The following RBM33 variants were observed in gnomAD, a reference collection of about 807,000 sequenced individuals.
The protein encoded by RBM33 is RNA binding motif protein 33, also known as RNA-binding protein 33.
A neutral mutation model predicts 132.6 loss-of-function variants in RBM33; 28 were observed. The observed-to-expected ratio is 0.21, with a 90% CI of 0.16 to 0.29. RBM33 has a LOEUF of 0.29. RBM33 is among the 10% of genes least tolerant of loss of function. The probability of loss-of-function intolerance (pLI) is 1.00; values close to 1 mark genes in which losing one functional copy is unlikely to be tolerated. For synonymous variants in RBM33, 634 were observed against 593.0 expected, an observed-to-expected ratio of 1.07 and a Z score of -1.01; for missense variants, 1,291 against 1,518.5, an observed-to-expected ratio of 0.85 and a Z score of 2.49.
At chr7:155,757,968 C>T (rs1345450026) in intron 14 of RBM33, among the ~76,000 whole-genome samples, 3 of 152,152 alleles carry the variant, frequency 2.0e-5, no homozygotes, top group Non-Finnish European at 4.4e-5. Context: ...AGGGGATGGC[C>T]TAAGCCATTC....
At position 155,774,805 on chromosome 7, in the gene RBM33, C is replaced by T. The variant is rs556554673; in HGVS notation, c.3464+158C>T. 1.5e-4 allele frequency among the ~76,000 whole-genome samples: 23 copies of T among 152,290 alleles called. No homozygotes were observed. Among genetic ancestry groups the T allele is most frequent in the African/African-American group, 4.3e-4 (18 of 41,554 alleles). Reference sequence around the variant, plus strand: ...CGCAGACGGTGATCCTGTCATGAGGCGCGCGTCCTTTTGTCTGGTGGAGAA... The same window carrying T: ...CGCAGACGGTGATCCTGTCATGAGGTGCGCGTCCTTTTGTCTGGTGGAGAA... On this transcript the variant is annotated intron_variant, in intron 17 of 17. Transcript: ENST00000401878. The surrounding 1 kb of genome is among the most constrained non-coding windows in gnomAD (Gnocchi z 4.2).
rs1360217655 is a variant in RBM33 at position 155,754,567 on chromosome 7, T to G, written c.2979+8965T>G. Among the ~76,000 whole-genome samples, 5 of 152,304 alleles carry G rather than the reference T, an allele frequency of 3.3e-5. No homozygotes were observed. The South Asian group carries it at 1.0e-3, about 32-fold the overall frequency. On this transcript the variant is annotated intron_variant, in intron 14 of 17. Transcript: ENST00000401878. Reference sequence around the variant, plus strand: ...ATCCTTTACTTTTTAGACTGGTAGATTTGTGCTGTCGAAATTGGAGAATCC... The same window carrying G: ...ATCCTTTACTTTTTAGACTGGTAGAGTTGTGCTGTCGAAATTGGAGAATCC...
At chr7:155,709,092 A>T (rs534617103) in intron 7 of RBM33, among the ~76,000 whole-genome samples, 2 of 151,426 alleles carry the variant, frequency 1.3e-5, no homozygotes, top group Non-Finnish European at 2.9e-5. Flanking sequence ...GAGATTTTGG[A>T]TGTACTCTCT....
intron 14 of RBM33, among the ~76,000 whole-genome samples, chr7:155,755,083 T>G (rs1801806791): frequency 1.3e-5 from 2 of 152,240 alleles, no homozygotes; most frequent in African/African-American, 4.8e-5. Flanking sequence ...ATTTAGAAAC[T>G]TCGTACAGCA....
chr7:155,651,384 A>G (rs1776014254), intron 1 of RBM33, among the ~76,000 whole-genome samples: 1 of 151,974 alleles, frequency 6.6e-6, no homozygotes, highest in Admixed American at 6.6e-5. Context: ...GGACATTCTG[A>G]TTCCTAATCA....
chr7:155,725,139 T>C (rs1218591445), intron 9 of RBM33, among the ~76,000 whole-genome samples: 3 of 151,760 alleles, frequency 2.0e-5, no homozygotes, highest in Admixed American at 2.0e-4. Context: ...TGTATGCTTT[T>C]CAGTTGACGT....
At chr7:155,669,694 C>T (rs931560952) in intron 2 of RBM33, among the ~76,000 whole-genome samples, 1 of 152,170 alleles carries the variant, frequency 6.6e-6, no homozygotes, top group African/African-American at 2.4e-5. Context: ...GGTCTATTTA[C>T]AGGCCAGGGT....
chr7:155,700,124 T>C (rs1408594527), intron 5 of RBM33, among the ~76,000 whole-genome samples: 1 of 152,156 alleles, frequency 6.6e-6, no homozygotes, highest in African/African-American at 2.4e-5. Context: ...ATAATAAAAT[T>C]TCAGATAAAA....
chr7:155,690,054 G>A (rs1427349895), intron 5 of RBM33, among the ~76,000 whole-genome samples: 10 of 152,194 alleles, frequency 6.6e-5, no homozygotes, highest in East Asian at 3.9e-4. Context: ...TGATCTGTCT[G>A]ATGTTGACAG....
intron 1 of RBM33, among the ~76,000 whole-genome samples, chr7:155,650,813 T>A (rs1246030817): frequency 6.6e-6 from 1 of 152,228 alleles, no homozygotes; most frequent in East Asian, 1.9e-4. Context: ...AATTATTCTT[T>A]ATGTTCAGAT....
Position 155,721,534 on chromosome 7 carries a change from A to T in RBM33, c.1260+3091A>T, listed in dbSNP as rs558824369. Reference sequence around the variant, plus strand: ...TCATACCCAATTGACTAAAAGAGTTAAAAAAAAGGCAGACAATACGCAAAA... The same window carrying T: ...TCATACCCAATTGACTAAAAGAGTTTAAAAAAAGGCAGACAATACGCAAAA... On this transcript the variant is annotated intron_variant, in intron 9 of 17. Transcript: ENST00000401878. 1.1e-4 allele frequency among the ~76,000 whole-genome samples: 16 copies of T among 149,520 alleles called. No homozygotes were observed. In the East Asian group the frequency reaches 2.9e-3, roughly 27 times the overall value.
intron 8 of RBM33, among the ~76,000 whole-genome samples, chr7:155,714,244 A>C (rs934297554): frequency 6.6e-6 from 1 of 152,186 alleles, no homozygotes; most frequent in Non-Finnish European, 1.5e-5. Context: ...GTTTTCACAA[A>C]GTAGTAAAGG....
intron 14 of RBM33, among the ~76,000 whole-genome samples, chr7:155,755,823 C>G (rs1801830560): frequency 6.6e-6 from 1 of 150,540 alleles, no homozygotes; most frequent in African/African-American, 2.5e-5. Context: ...CTACAGACCT[C>G]TTTTTTTTTG....
At chr7:155,694,714 C>T (rs1330584732) in intron 5 of RBM33, among the ~76,000 whole-genome samples, 3 of 152,112 alleles carry the variant, frequency 2.0e-5, no homozygotes, top group East Asian at 3.9e-4. Flanking sequence ...TTCTGTTGCT[C>T]GGCACGTTTT....
chr7:155,715,672 G>A (rs1351715032), intron 8 of RBM33, among the ~76,000 whole-genome samples: 2 of 152,184 alleles, frequency 1.3e-5, no homozygotes, highest in Non-Finnish European at 2.9e-5. Context: ...ACCTTCAGAG[G>A]TACACTGACA....
intron 5 of RBM33, among the ~76,000 whole-genome samples, chr7:155,689,308 C>T (rs1213800869): frequency 3.3e-5 from 5 of 151,094 alleles, no homozygotes; most frequent in African/African-American, 7.3e-5. Flanking sequence ...TCTGTGGGAT[C>T]GGTGGTGATA....
intron 16 of RBM33, among the ~76,000 whole-genome samples, chr7:155,770,934 G>C (rs1479781663): frequency 1.3e-5 from 2 of 152,308 alleles, no homozygotes; most frequent in South Asian, 2.1e-4. Context: ...GCTGCCAGCT[G>C]AAGTGTATTC....
intron 5 of RBM33, among the ~76,000 whole-genome samples, chr7:155,688,047 A>G (rs1229742975): frequency 6.6e-6 from 1 of 152,178 alleles, no homozygotes; most frequent in Non-Finnish European, 1.5e-5. Flanking sequence ...ATGGCATTGA[A>G]TCTATAAATT....
chr7:155,699,160 A>G (rs1383442626), intron 5 of RBM33, among the ~76,000 whole-genome samples: 1 of 152,172 alleles, frequency 6.6e-6, no homozygotes, highest in African/African-American at 2.4e-5. Context: ...ACAGTTGTTA[A>G]TAGTTGAATT....
Sources: allele counts gnomAD v4.1 joint callset (sites outside exome capture counted in the v4.1 genomes callset), GRCh38; gene constraint gnomAD v4.1.1; non-coding constraint Gnocchi (gnomAD v3.1); transcripts MANE v1.5; gene names NCBI Gene and HGNC (gene_info 2026-07-23, HGNC 2026-07-21).